KAZN: variants seen among roughly 807,000 people sequenced by gnomAD.
KAZN encodes the protein kazrin.
A neutral mutation model predicts 87.4 loss-of-function variants in KAZN; 40 were observed. The ratio of observed to expected loss-of-function variants is 0.46; its 90% CI spans 0.36 to 0.60. The LOEUF (loss-of-function observed/expected upper bound fraction) is 0.60, where lower values mean the gene tolerates loss of function less well. Among genes scored for constraint, KAZN ranks in the 20% least tolerant of loss-of-function variants. The pLI, the probability that KAZN is intolerant of heterozygous loss-of-function variation, is 0.00. For synonymous variants in KAZN, 466 were observed against 458.3 expected (o/e 1.02, Z -0.22); for missense variants, 898 against 1,073.9 (o/e 0.84, Z 2.29).
At chr1:14,948,258 A>G (rs1157061132) in intron 1 of KAZN, among the ~76,000 whole-genome samples, 1 of 152,250 alleles carries the variant, frequency 6.6e-6, no homozygotes, top group Non-Finnish European at 1.5e-5. Context: ...GTTCAGGGAT[A>G]GGATCTGGCT....
chr1:15,101,558 C>T lies in KAZN; in HGVS notation c.1563C>T (p.Ala521=), dbSNP rs371494082. 1.4e-4 allele frequency: 222 copies of T among 1,552,222 alleles called. 1 individual carries two copies. The African/African-American group carries it at 2.7e-3, about 19-fold the overall frequency. ...TCCTCCCCAGCCTGTCCAAAGCTGCCGAGCTGGACCATCACTGGGTGGCCA... is the reference window on the plus strand; with the variant it reads ...TCCTCCCCAGCCTGTCCAAAGCTGCTGAGCTGGACCATCACTGGGTGGCCA... The part of the protein sequence containing the change: ...AEAGRSLSKA[A]ELDHHWVAKA... Residue 521 remains alanine, a synonymous_variant, in exon 11 of 15, where the codon GCC becomes GCT. Coordinates refer to ENST00000376030, the MANE Select transcript of KAZN (RefSeq NM_201628.3).
intron 2 of KAZN, among the ~76,000 whole-genome samples, chr1:14,259,674 C>T (rs556184649): frequency 3.9e-5 from 6 of 152,210 alleles, no homozygotes; most frequent in Non-Finnish European, 5.9e-5. Flanking sequence ...AGACAAACTG[C>T]TTCCTTTGAT....
At chr1:14,539,235 G>A (rs994783134) in intron 2 of KAZN, among the ~76,000 whole-genome samples, 9 of 152,092 alleles carry the variant, frequency 5.9e-5, no homozygotes, top group Admixed American at 2.6e-4. Context: ...TCCCATTCCC[G>A]GCAATACACT....
chr1:14,853,393 C>T (rs74059615), intron 1 of KAZN, among the ~76,000 whole-genome samples: 8 of 151,936 alleles, frequency 5.3e-5, no homozygotes, highest in African/African-American at 2.4e-5. Flanking sequence ...CGTTTTTCTA[C>T]GTGGTGCACA....
chr1:14,277,116 A>G (rs930689530), intron 2 of KAZN, among the ~76,000 whole-genome samples: 9 of 152,196 alleles, frequency 5.9e-5, no homozygotes, highest in Non-Finnish European at 2.9e-5. Context: ...AAAATTTCAA[A>G]CACACAAAAG....
chr1:13,942,003 T>G (rs1640944625), intron 1 of KAZN, among the ~76,000 whole-genome samples: 1 of 152,120 alleles, frequency 6.6e-6, no homozygotes, highest in Non-Finnish European at 1.5e-5. Context: ...AAGCAGGAAT[T>G]TTGGAAGTCT....
intron 1 of KAZN, among the ~76,000 whole-genome samples, chr1:14,102,803 C>G (rs1447899573): frequency 6.6e-6 from 1 of 152,112 alleles, no homozygotes; most frequent in Non-Finnish European, 1.5e-5. Context: ...GTCCTGGAGG[C>G]CAGGCGTCTG....
chr1:14,761,689 T>C (rs1009235802), intron 1 of KAZN, among the ~76,000 whole-genome samples: 1 of 152,202 alleles, frequency 6.6e-6, no homozygotes, highest in African/African-American at 2.4e-5. Context: ...CTGTCAATTA[T>C]GCAGTTAAAC....
intron 8 of KAZN, among the ~76,000 whole-genome samples, chr1:15,080,995 G>A (rs147865071): frequency 1.3e-5 from 2 of 152,392 alleles, no homozygotes; most frequent in East Asian, 3.9e-4. Flanking sequence ...AAGTTCAGAG[G>A]CCTTGCCGTA....
chr1:13,956,545 C>T (rs542107513), intron 1 of KAZN, among the ~76,000 whole-genome samples: 7 of 152,026 alleles, frequency 4.6e-5, no homozygotes, highest in African/African-American at 1.4e-4. Flanking sequence ...GACATGCATA[C>T]GATTATTCTT....
chr1:14,241,434 A>G (rs888663247), intron 2 of KAZN, among the ~76,000 whole-genome samples: 2 of 152,228 alleles, frequency 1.3e-5, no homozygotes, highest in African/African-American at 2.4e-5. Flanking sequence ...CTGGCCCTGA[A>G]TAGCTCATAT....
At chr1:14,632,171 A>G (rs1216298338) in intron 1 of KAZN, among the ~76,000 whole-genome samples, 1 of 152,160 alleles carries the variant, frequency 6.6e-6, no homozygotes, top group Non-Finnish European at 1.5e-5. Context: ...ACTGGAGCTA[A>G]GGCTTTCTGG....
At chr1:14,899,229 C>A (rs916262582) in intron 1 of KAZN, among the ~76,000 whole-genome samples, 6 of 152,258 alleles carry the variant, frequency 3.9e-5, no homozygotes, top group Non-Finnish European at 7.3e-5. Context: ...ACCAGAAAGG[C>A]AAGTTGCCAA....
At chr1:14,509,995 TTGCTG>T (rs145739030) in intron 2 of KAZN, among the ~76,000 whole-genome samples, 23,832 of 152,072 alleles carry the variant, frequency 0.16, 2,240 homozygotes, top group Non-Finnish European at 0.22. Context: ...AAGGCCAGTG[TTGCTG>T]GGGCAAGTTA....
intron 1 of KAZN, among the ~76,000 whole-genome samples, chr1:14,117,709 C>T (rs545205192): frequency 1.3e-5 from 2 of 152,230 alleles, no homozygotes; most frequent in East Asian, 3.9e-4. Context: ...TGAGCCTGGC[C>T]ATGTCACTTA....
At chr1:15,072,239 CTCTG>C (rs1639537784) in intron 8 of KAZN, among the ~76,000 whole-genome samples, 1 of 152,210 alleles carries the variant, frequency 6.6e-6, no homozygotes, top group Non-Finnish European at 1.5e-5. Context: ...GATTACTATT[CTCTG>C]TGATTTGTAA....
intron 2 of KAZN, among the ~76,000 whole-genome samples, chr1:14,366,464 T>A (rs1388689214): frequency 6.6e-6 from 1 of 152,226 alleles, no homozygotes; most frequent in African/African-American, 2.4e-5. Flanking sequence ...AGGATATCTT[T>A]CCTAAGCCCT....
At chr1:14,014,236 A>G (rs1021549073) in intron 1 of KAZN, among the ~76,000 whole-genome samples, 1 of 152,058 alleles carries the variant, frequency 6.6e-6, no homozygotes. Flanking sequence ...CCGAATCTGG[A>G]ATTTCCTGAA....
intron 2 of KAZN, among the ~76,000 whole-genome samples, chr1:14,268,868 A>G (rs1204525902): frequency 6.6e-6 from 1 of 152,258 alleles, no homozygotes; most frequent in African/African-American, 2.4e-5. Flanking sequence ...TTAATTTAAA[A>G]AAGCAACTTC....
Sources: gnomAD v4.1 joint callset for allele counts (sites outside exome capture counted in the v4.1 genomes callset) on GRCh38, gnomAD v4.1.1 for gene constraint, MANE v1.5 for transcripts, NCBI Gene and HGNC (gene_info 2026-07-23, HGNC 2026-07-21) for gene names.